Variants in GGPS1 observed in about 807,000 individuals in gnomAD.
GGPS1 encodes geranylgeranyl pyrophosphate synthase.
In GGPS1, 15 loss-of-function variants were observed where a neutral mutation model predicts 28.1. That is an observed-to-expected ratio of 0.53 (90% CI 0.36 to 0.82). GGPS1 has a LOEUF of 0.82. GGPS1 is among the 40% of genes least tolerant of loss of function. The pLI, the probability that GGPS1 is intolerant of heterozygous loss-of-function variation, is 0.01. For synonymous variants in GGPS1, 138 were observed against 122.4 expected, an observed-to-expected ratio of 1.13 and a Z score of -0.84; for missense variants, 284 against 348.3, an observed-to-expected ratio of 0.82 and a Z score of 1.47.
Position 235,343,790 on chromosome 1 carries a change from G to C in GGPS1, c.*1018G>C. 1 of 166,860 alleles carries C rather than the reference G, an allele frequency of 6.0e-6. No homozygotes were observed. 10.3% of individuals were successfully genotyped at this position (166,860 alleles called of 1,614,324 possible). A position where few individuals can be genotyped will look rare whatever the true frequency, so the allele number is the denominator to read the frequency against. ...TTGGGAAGCGGAAAAAGAGAGTATGGGATATTTTAGAAGGGAGCCTTTGAA... is the reference window on the plus strand; with the variant it reads ...TTGGGAAGCGGAAAAAGAGAGTATGCGATATTTTAGAAGGGAGCCTTTGAA... On this transcript the variant is annotated 3_prime_UTR_variant, in exon 4 of 4. Transcript: ENST00000282841.
chr1:235,336,882 C>T (rs960502634), intron 2 of GGPS1: 2 of 153,558 alleles, frequency 1.3e-5, no homozygotes, highest in Admixed American at 6.6e-5. Flanking sequence ...CTGTGCTACA[C>T]CTTGGAAACC....
chr1:235,343,859 G>C lies in GGPS1; in HGVS notation c.*1087G>C, dbSNP rs1208642575. ...TCATTGATAGTGACAATCTTAAAAG[G>C]GTTGTTTTCTTACCTTAAGTACAAA... On this transcript the variant is annotated 3_prime_UTR_variant, in exon 4 of 4. Coordinates refer to ENST00000282841, the MANE Select transcript of GGPS1 (RefSeq NM_004837.4). 6.0e-6 allele frequency: 1 copy of C among 166,744 alleles called. No individual in the cohort carries two copies. Among genetic ancestry groups the C allele is most frequent in the Non-Finnish European group, 1.5e-5 (1 of 68,070 alleles). 10.3% of individuals were successfully genotyped at this position (166,744 alleles called of 1,614,324 possible).
intron 2 of GGPS1, among the ~76,000 whole-genome samples, chr1:235,339,148 A>G (rs1675953524): frequency 6.6e-6 from 1 of 151,992 alleles, no homozygotes; most frequent in Non-Finnish European, 1.5e-5. Context: ...AAATACAAAA[A>G]ATTAGCTGGA....
At chr1:235,337,251 C>A (rs1460800663) in intron 2 of GGPS1, among the ~76,000 whole-genome samples, 2 of 138,180 alleles carry the variant, frequency 1.4e-5, no homozygotes, top group Admixed American at 1.5e-4. Context: ...GTCTCTTACT[C>A]TGCTACTTAC....
intron 2 of GGPS1, among the ~76,000 whole-genome samples, chr1:235,339,464 C>T (rs945233515): frequency 6.6e-6 from 1 of 151,178 alleles, no homozygotes; most frequent in Non-Finnish European, 1.5e-5. Flanking sequence ...CAGAGCAAAA[C>T]TTCATCTCCA....
At chr1:235,332,898 G>A (rs1415460540) in intron 1 of GGPS1, among the ~76,000 whole-genome samples, 4 of 151,492 alleles carry the variant, frequency 2.6e-5, no homozygotes, top group Admixed American at 6.6e-5. Context: ...GTGAAACCCC[G>A]TCTCTACTAA....
At chr1:235,334,553 T>C (rs1675811219) in intron 1 of GGPS1, among the ~76,000 whole-genome samples, 1 of 152,234 alleles carries the variant, frequency 6.6e-6, no homozygotes, top group Non-Finnish European at 1.5e-5. Flanking sequence ...TATAACATTT[T>C]GATCCCTGCG....
chr1:235,339,647 C>G (rs377478595), intron 2 of GGPS1, among the ~76,000 whole-genome samples: 18 of 151,798 alleles, frequency 1.2e-4, no homozygotes, highest in African/African-American at 4.1e-4. Flanking sequence ...GTAATCCCAG[C>G]TACTTGGGAG....
chr1:235,341,927 C>A, intron 3 of GGPS1, 84 bp from the exon 4 acceptor site: 1 of 951,304 alleles, frequency 1.1e-6, no homozygotes, highest in Non-Finnish European at 1.6e-6. Flanking sequence ...AAAATTAACA[C>A]ACCTGAGACT....
intron 2 of GGPS1, among the ~76,000 whole-genome samples, chr1:235,337,886 T>C (rs1675915835): frequency 6.6e-6 from 1 of 152,022 alleles, no homozygotes; most frequent in African/African-American, 2.4e-5. Flanking sequence ...TCATACTTGC[T>C]GTCATCTTAT....
At chr1:235,338,033 C>A (rs893740059) in intron 2 of GGPS1, among the ~76,000 whole-genome samples, 1 of 151,932 alleles carries the variant, frequency 6.6e-6, no homozygotes, top group Non-Finnish European at 1.5e-5. Flanking sequence ...AAAGAGGAAG[C>A]AGTAATCTTT....
chr1:235,344,311 T>C lies in GGPS1; in HGVS notation c.*1539T>C, dbSNP rs1057148603. On this transcript the variant is annotated 3_prime_UTR_variant, in exon 4 of 4. Coordinates refer to ENST00000282841, the MANE Select transcript of GGPS1 (RefSeq NM_004837.4). ...TGTATGAGAAATCCTCACCCAAGCATTCAACCTAAATCTTTGAAAAGTTGG... is the reference window on the plus strand; with the variant it reads ...TGTATGAGAAATCCTCACCCAAGCACTCAACCTAAATCTTTGAAAAGTTGG... 1.2e-5 allele frequency: 2 copies of C among 167,052 alleles called. No individual in the cohort carries two copies. The highest frequency in any genetic ancestry group is 2.9e-5 in the Non-Finnish European group (2 of 68,104). The allele number at this position is 167,052 out of a possible 1,614,324, so 10.3% of individuals were successfully genotyped here.
upstream of GGPS1, chr1:235,328,160 GA>G (rs1675486149): frequency 6.5e-6 from 1 of 153,018 alleles, no homozygotes; most frequent in Non-Finnish European, 1.5e-5. Context: ...CCTCACTCCG[GA>G]CTCGACTGAC....
intron 2 of GGPS1, 43 bp from the exon 3 acceptor site, chr1:235,341,665 T>C (rs760775656): frequency 1.9e-6 from 2 of 1,068,424 alleles, no homozygotes; most frequent in Non-Finnish European, 2.9e-6. Flanking sequence ...TACTCATAAT[T>C]AAAACACTTA....
chr1:235,341,648 GT>G, intron 2 of GGPS1, 59 bp from the exon 3 acceptor site: 1 of 961,820 alleles, frequency 1.0e-6, no homozygotes, highest in South Asian at 1.3e-5. Context: ...GTTTTTTGTA[GT>G]TAAAATACTC....
rs1014465504 is a variant in GGPS1 at position 235,343,632 on chromosome 1, C to T, written c.*860C>T. 1 of 166,964 alleles carries T rather than the reference C, an allele frequency of 6.0e-6. No homozygotes were observed. Among genetic ancestry groups the T allele is most frequent in the African/African-American group, 2.4e-5 (1 of 41,404 alleles). The allele number at this position is 166,964 out of a possible 1,614,324, so 10.3% of individuals were successfully genotyped here. On this transcript the variant is annotated 3_prime_UTR_variant, in exon 4 of 4. Coordinates refer to ENST00000282841, the MANE Select transcript of GGPS1 (RefSeq NM_004837.4). ...TTCCTTTTTTCCTTCCTCTCCACCC[C>T]ACAAGTTTTGCTTTTTAACCAAGGT...
chr1:235,337,025 C>G (rs1675888424), intron 2 of GGPS1: 1 of 187,666 alleles, frequency 5.3e-6, no homozygotes. Flanking sequence ...AAGAAAAAGC[C>G]AAGAGACTGC....
At chr1:235,328,080 G>A (rs1675476545), upstream of GGPS1, 1 of 153,238 alleles carries the variant, frequency 6.5e-6, no homozygotes, top group South Asian at 2.1e-4. Context: ...TCCGGGCAAA[G>A]GTCCAGGCGG....
chr1:235,335,093 G>A, intron 1 of GGPS1, 149 bp from the exon 2 acceptor site: 1 of 496,446 alleles, frequency 2.0e-6, no homozygotes, highest in South Asian at 2.3e-5. Flanking sequence ...GGGATTACAG[G>A]CGTGAACTAC....
Sources: allele counts gnomAD v4.1 joint callset (sites outside exome capture counted in the v4.1 genomes callset), GRCh38; gene constraint gnomAD v4.1.1; transcripts MANE v1.5; gene names NCBI Gene and HGNC (gene_info 2026-07-23, HGNC 2026-07-21).